Variants in EVI5 observed in about 807,000 individuals in gnomAD.
EVI5 encodes ecotropic viral integration site 5 protein homolog.
A neutral mutation model predicts 112.0 loss-of-function variants in EVI5; 73 were observed. That is an observed-to-expected ratio of 0.65 (90% CI 0.54 to 0.79). The LOEUF is 0.79. EVI5 is among the 30% of genes least tolerant of loss of function. The pLI, the probability that EVI5 is intolerant of heterozygous loss-of-function variation, is 0.00. For missense variants in EVI5, 900 were observed against 968.8 expected, an observed-to-expected ratio of 0.93 and a Z score of 0.94; for synonymous variants, 305 against 319.9, an observed-to-expected ratio of 0.95 and a Z score of 0.50.
At chr1:92,729,453 A>T (rs1676109281) in intron 2 of EVI5, among the ~76,000 whole-genome samples, 1 of 152,220 alleles carries the variant, frequency 6.6e-6, no homozygotes, top group African/African-American at 2.4e-5. Context: ...AGGTGACAAC[A>T]TATTACCGAT....
chr1:92,570,121 T>A (rs1194956671), intron 18 of EVI5, among the ~76,000 whole-genome samples: 1 of 151,926 alleles, frequency 6.6e-6, no homozygotes, highest in Non-Finnish European at 1.5e-5. Context: ...CGAGGAAGAA[T>A]GCTCATTCAT....
In EVI5 at chr1:92,711,838, T is replaced by C. The variant is rs141027301; in HGVS notation, c.150-7094A>G. Among the ~76,000 whole-genome samples, 691 of 152,284 alleles carry C rather than the reference T, an allele frequency of 4.5e-3. 2 individuals are homozygous for C. Among genetic ancestry groups the C allele is most frequent in the Middle Eastern group, 0.017 (5 of 294 alleles). ...CCATTTGAGCTTCTATAACAAAATA[T>C]CTTGGACTGGGTAATTTTTAAACAA... On this transcript the variant is annotated intron_variant, in intron 2 of 19. Coordinates refer to ENST00000684568, the MANE Select transcript of EVI5 (RefSeq NM_001350197.2).
chr1:92,671,193 G>A (rs1047038067), intron 10 of EVI5, among the ~76,000 whole-genome samples: 4 of 151,888 alleles, frequency 2.6e-5, no homozygotes, highest in Non-Finnish European at 4.4e-5. Context: ...TGCTCCACTC[G>A]TTTCTAGGAT....
At chr1:92,530,274 C>T (rs1048718829) in intron 19 of EVI5, among the ~76,000 whole-genome samples, 4 of 152,134 alleles carry the variant, frequency 2.6e-5, no homozygotes, top group South Asian at 2.1e-4. Context: ...CTGAAAAAAA[C>T]GCAGCAGCCC....
intron 1 of EVI5, among the ~76,000 whole-genome samples, chr1:92,770,419 T>C (rs1276042601): frequency 1.3e-5 from 2 of 152,232 alleles, no homozygotes; most frequent in Admixed American, 1.3e-4. Context: ...TCTCCACATG[T>C]GTACGTTTCT....
intron 10 of EVI5, among the ~76,000 whole-genome samples, chr1:92,667,258 T>G (rs1004808703): frequency 2.4e-4 from 36 of 152,112 alleles, no homozygotes; most frequent in African/African-American, 8.2e-4. Context: ...CATTCCATCC[T>G]GGGCAACAGA....
At chr1:92,743,608 C>A (rs777659774) in intron 1 of EVI5, among the ~76,000 whole-genome samples, 18 of 151,996 alleles carry the variant, frequency 1.2e-4, no homozygotes, top group South Asian at 4.1e-4. Context: ...GGTGGTTGTA[C>A]AACAATATGA....
intron 18 of EVI5, among the ~76,000 whole-genome samples, chr1:92,592,696 GAGA>G (rs1201314474): frequency 1.3e-5 from 2 of 152,090 alleles, no homozygotes; most frequent in African/African-American, 4.8e-5. Flanking sequence ...GAAGAAAAGA[GAGA>G]AGAATCAAAT....
At chr1:92,555,502 T>C (rs1183902966) in intron 19 of EVI5, among the ~76,000 whole-genome samples, 1 of 152,158 alleles carries the variant, frequency 6.6e-6, no homozygotes, top group African/African-American at 2.4e-5. Context: ...CTAGGTAACA[T>C]ACTTGGAACT....
intron 9 of EVI5, among the ~76,000 whole-genome samples, chr1:92,688,754 C>G (rs1169792197): frequency 6.6e-6 from 1 of 152,204 alleles, no homozygotes; most frequent in Admixed American, 6.5e-5. Flanking sequence ...AGTCTGAAGA[C>G]ATACGGGTTA....
intron 1 of EVI5, chr1:92,756,460 T>C: frequency 1.9e-6 from 1 of 539,928 alleles, no homozygotes; most frequent in Admixed American, 1.9e-5. Context: ...TACTTCGTCT[T>C]TCTCCAACAT....
At chr1:92,771,422 T>C (rs1683391313) in intron 1 of EVI5, among the ~76,000 whole-genome samples, 1 of 151,906 alleles carries the variant, frequency 6.6e-6, no homozygotes, top group Non-Finnish European at 1.5e-5. Context: ...TCCTCCACAG[T>C]GTTCACTCTA....
intron 19 of EVI5, among the ~76,000 whole-genome samples, chr1:92,541,164 G>A (rs1430531096): frequency 6.6e-6 from 1 of 152,156 alleles, no homozygotes; most frequent in Non-Finnish European, 1.5e-5. Flanking sequence ...AAGAAAGCCT[G>A]AAAATCATTC....
At chr1:92,514,644 T>C (rs549799176) in intron 19 of EVI5, among the ~76,000 whole-genome samples, 2 of 152,296 alleles carry the variant, frequency 1.3e-5, no homozygotes, top group East Asian at 3.9e-4. Flanking sequence ...ATGGACTCCA[T>C]GTACCCATCA....
chr1:92,545,341 G>A (rs1665505374), intron 19 of EVI5, among the ~76,000 whole-genome samples: 1 of 151,524 alleles, frequency 6.6e-6, no homozygotes, highest in South Asian at 2.1e-4. Context: ...CTCCCAAAGT[G>A]CTGAGACTAT....
At chr1:92,529,868 TCATA>T (rs1261577981) in intron 19 of EVI5, among the ~76,000 whole-genome samples, 2 of 152,228 alleles carry the variant, frequency 1.3e-5, no homozygotes, top group African/African-American at 4.8e-5. Context: ...GGGCATATTT[TCATA>T]AATACTTTCA....
intron 18 of EVI5, among the ~76,000 whole-genome samples, chr1:92,577,669 A>G (rs1344967074): frequency 6.6e-6 from 1 of 152,186 alleles, no homozygotes; most frequent in Non-Finnish European, 1.5e-5. Context: ...AATTCTGGGA[A>G]AGCATAGGGT....
Position 92,689,105 on chromosome 1 carries a change from T to C in EVI5, c.1097+4697A>G, listed in dbSNP as rs1669052799. 3.3e-5 allele frequency among the ~76,000 whole-genome samples: 5 copies of C among 152,274 alleles called. No homozygotes were observed. In the South Asian group the frequency reaches 1.0e-3, roughly 32 times the overall value. On this transcript the variant is annotated intron_variant, in intron 9 of 19. Transcript: ENST00000684568. ...CATATGAAAAGATGCTTAGTCTTAT[T>C]AACAATCAAGGAAATGTAAATTAAG...
intron 16 of EVI5, among the ~76,000 whole-genome samples, chr1:92,610,696 C>T (rs1253636639): frequency 6.6e-6 from 1 of 151,780 alleles, no homozygotes; most frequent in Admixed American, 6.6e-5. Context: ...ATTAGCTATA[C>T]TGAAGAAATA....
Sources: allele counts gnomAD v4.1 joint callset (sites outside exome capture counted in the v4.1 genomes callset), GRCh38; gene constraint gnomAD v4.1.1; transcripts MANE v1.5; gene names NCBI Gene and HGNC (gene_info 2026-07-23, HGNC 2026-07-21).